The following GALNT13 variants were observed in gnomAD, a reference collection of about 807,000 sequenced individuals.
GALNT13 encodes the protein UDP-GalNAc:polypeptide N-acetylgalactosaminyltransferase 13.
A neutral mutation model predicts 64.2 loss-of-function variants in GALNT13; 28 were observed. The ratio of observed to expected loss-of-function variants is 0.44; its 90% CI spans 0.32 to 0.60. The LOEUF (loss-of-function observed/expected upper bound fraction) is 0.60, where lower values mean the gene tolerates loss of function less well. GALNT13 is among the 20% of genes least tolerant of loss of function. The probability of loss-of-function intolerance (pLI) is 0.05; values close to 1 mark genes in which losing one functional copy is unlikely to be tolerated. For synonymous variants in GALNT13, 214 were observed against 224.6 expected (o/e 0.95, Z 0.42); for missense variants, 577 against 669.8 (o/e 0.86, Z 1.53).
intron 9 of GALNT13, among the ~76,000 whole-genome samples, chr2:154,360,489 G>C (rs1194769986): frequency 3.5e-5 from 3 of 86,622 alleles, no homozygotes; most frequent in Non-Finnish European, 8.3e-5. Context: ...AAGTACCACA[G>C]ACTGTGTTTT....
chr2:153,428,944 A>G, the GALNT13 span, among the ~76,000 whole-genome samples: 1 of 152,156 alleles, frequency 6.6e-6, no homozygotes, highest in Non-Finnish European at 1.5e-5. Context: ...CAAAGTAGGC[A>G]ACATTCTTGT....
chr2:153,418,575 T>C, the GALNT13 span, among the ~76,000 whole-genome samples: 1 of 152,050 alleles, frequency 6.6e-6, no homozygotes, highest in African/African-American at 2.4e-5. Context: ...TGCTTATAGG[T>C]CAAGTAAGAT....
At chr2:153,631,738 G>T in the GALNT13 span, among the ~76,000 whole-genome samples, 3 of 151,842 alleles carry the variant, frequency 2.0e-5, no homozygotes, top group Non-Finnish European at 4.4e-5. Flanking sequence ...TTGCAAAAAT[G>T]TTCTCCCATT....
chr2:153,766,217 C>T, the GALNT13 span, among the ~76,000 whole-genome samples: 2 of 151,934 alleles, frequency 1.3e-5, no homozygotes, highest in Admixed American at 6.6e-5. Context: ...TCTGCTGAAC[C>T]ATTCTCTTAT....
the GALNT13 span, among the ~76,000 whole-genome samples, chr2:153,404,139 A>G: frequency 6.6e-6 from 1 of 152,190 alleles, no homozygotes; most frequent in Non-Finnish European, 1.5e-5. Context: ...GGAGTGGGTT[A>G]GTGACTTAAA....
the GALNT13 span, among the ~76,000 whole-genome samples, chr2:153,257,263 T>G: frequency 6.6e-6 from 1 of 152,182 alleles, no homozygotes; most frequent in Non-Finnish European, 1.5e-5. Flanking sequence ...GGGAACTCCC[T>G]GACCCCTTGG....
chr2:154,434,651 G>A (rs1308311789), intron 11 of GALNT13, among the ~76,000 whole-genome samples: 4 of 152,068 alleles, frequency 2.6e-5, no homozygotes, highest in Non-Finnish European at 5.9e-5. Context: ...GGCCATTTTA[G>A]TGGTTGTTTG....
chr2:154,052,885 C>T (rs1320541771), intron 3 of GALNT13, among the ~76,000 whole-genome samples: 2 of 151,802 alleles, frequency 1.3e-5, no homozygotes, highest in African/African-American at 4.8e-5. Flanking sequence ...TACAGGCGCC[C>T]GCCACCATGC....
At chr2:153,107,520 G>A in the GALNT13 span, among the ~76,000 whole-genome samples, 3 of 152,040 alleles carry the variant, frequency 2.0e-5, no homozygotes, top group Non-Finnish European at 2.9e-5. Flanking sequence ...CAAGCTGAGT[G>A]CATATTTCAA....
the GALNT13 span, among the ~76,000 whole-genome samples, chr2:153,764,774 G>A: frequency 5.3e-5 from 8 of 152,196 alleles, no homozygotes; most frequent in Non-Finnish European, 5.9e-5. Context: ...AGTAATAAAT[G>A]GTTTTGTGGG....
the GALNT13 span, chr2:153,208,035 A>G: frequency 6.6e-6 from 1 of 152,188 alleles, no homozygotes; most frequent in Non-Finnish European, 1.5e-5. Flanking sequence ...CTTTTGGTAA[A>G]ATATAAAGGC....
At chr2:154,373,551 A>C (rs1697817432) in intron 9 of GALNT13, among the ~76,000 whole-genome samples, 1 of 152,226 alleles carries the variant, frequency 6.6e-6, no homozygotes, top group South Asian at 2.1e-4. Flanking sequence ...GCATATAGAC[A>C]GTAAGGGATA....
At chr2:153,089,299 ACCC>A in the GALNT13 span, among the ~76,000 whole-genome samples, 1 of 152,000 alleles carries the variant, frequency 6.6e-6, no homozygotes, top group Non-Finnish European at 1.5e-5. Context: ...TAAAGATGGG[ACCC>A]CAGTCCCTTC....
At chr2:154,306,508 TAA>T (rs950701152) in intron 9 of GALNT13, among the ~76,000 whole-genome samples, 2 of 151,036 alleles carry the variant, frequency 1.3e-5, no homozygotes, top group Admixed American at 6.7e-5. Flanking sequence ...TTGCAATAGA[TAA>T]AGACTTTAAG....
At chr2:154,066,319 G>C (rs1379049047) in intron 3 of GALNT13, among the ~76,000 whole-genome samples, 2 of 152,090 alleles carry the variant, frequency 1.3e-5, no homozygotes, top group African/African-American at 2.4e-5. Flanking sequence ...GTTTTTAAAA[G>C]CATAATAACG....
the GALNT13 span, among the ~76,000 whole-genome samples, chr2:153,170,827 A>G: frequency 1.3e-5 from 2 of 152,218 alleles, no homozygotes; most frequent in Non-Finnish European, 2.9e-5. Context: ...TCTCATTTGC[A>G]TCTCCATGTA....
the GALNT13 span, among the ~76,000 whole-genome samples, chr2:153,720,401 C>A: frequency 6.6e-6 from 1 of 151,500 alleles, no homozygotes; most frequent in Non-Finnish European, 1.5e-5. Context: ...AAACGCAGAG[C>A]GCCTCTCCTC....
chr2:154,199,500 T>A (rs192884710), intron 4 of GALNT13, among the ~76,000 whole-genome samples: 1 of 152,150 alleles, frequency 6.6e-6, no homozygotes, highest in Non-Finnish European at 1.5e-5. Flanking sequence ...AAATTTTCCT[T>A]TTGTAATATC....
the GALNT13 span, among the ~76,000 whole-genome samples, chr2:153,300,516 C>A: frequency 1.3e-5 from 2 of 152,080 alleles, no homozygotes; most frequent in African/African-American, 4.8e-5. Context: ...GTATTTGGAG[C>A]CTTATCATTT....
Sources: allele counts gnomAD v4.1 joint callset (sites outside exome capture counted in the v4.1 genomes callset), GRCh38; gene constraint gnomAD v4.1.1; transcripts MANE v1.5; gene names NCBI Gene and HGNC (gene_info 2026-07-23, HGNC 2026-07-21).